PANK3: variants seen among roughly 807,000 people sequenced by gnomAD.
The protein encoded by PANK3 is pantothenate kinase 3.
PANK3 carries 20 observed loss-of-function variants against 39.4 expected under a neutral mutation model. The ratio of observed to expected loss-of-function variants is 0.51; its 90% CI spans 0.36 to 0.74. The LOEUF is 0.74. PANK3 is among the 30% of genes least tolerant of loss of function. The pLI, the probability that PANK3 is intolerant of heterozygous loss-of-function variation, is 0.00. For synonymous variants in PANK3, 140 were observed against 157.3 expected (o/e 0.89, Z 0.82); for missense variants, 265 against 437.0 (o/e 0.61, Z 3.51).
chr5:168,572,957 T>C (rs1008876607), intron 1 of PANK3, among the ~76,000 whole-genome samples: 2 of 152,058 alleles, frequency 1.3e-5, no homozygotes, highest in African/African-American at 2.4e-5. Context: ...GTGGGGTTGT[T>C]AGAAGGAGCA....
At chr5:168,569,496 A>C (rs1023223201) in intron 1 of PANK3, among the ~76,000 whole-genome samples, 1 of 151,874 alleles carries the variant, frequency 6.6e-6, no homozygotes, top group African/African-American at 2.4e-5. Flanking sequence ...TCGGCCCTTC[A>C]AAGTTTTATT....
Position 168,557,191 on chromosome 5 carries a change from C to T in PANK3, c.*380G>A, listed in dbSNP as rs1244161607. ...ATTTTCTGCTCACTAGTAATCAAAA[C>T]ACATAAAACAGACTTGTAACAAATA... On this transcript the variant is annotated 3_prime_UTR_variant, in exon 7 of 7. Transcript: ENST00000239231. The T allele has an allele frequency of 5.9e-6, 1 of 169,300 alleles. No homozygotes were observed. Among genetic ancestry groups the T allele is most frequent in the Non-Finnish European group, 1.3e-5 (1 of 78,938 alleles). The allele number at this position is 169,300 out of a possible 1,614,324, so 10.5% of individuals were successfully genotyped here. A position where few individuals can be genotyped will look rare whatever the true frequency, so the allele number is the denominator to read the frequency against.
At chr5:168,572,181 T>C (rs560027605) in intron 1 of PANK3, among the ~76,000 whole-genome samples, 1 of 147,226 alleles carries the variant, frequency 6.8e-6, no homozygotes, top group African/African-American at 2.5e-5. Flanking sequence ...TGGCATGATC[T>C]CTGCTAACTG....
chr5:168,570,596 G>C (rs1202662826), intron 1 of PANK3, among the ~76,000 whole-genome samples: 1 of 152,098 alleles, frequency 6.6e-6, no homozygotes, highest in Non-Finnish European at 1.5e-5. Context: ...CCCTATGCCT[G>C]TGTTTGACCG....
At chr5:168,562,467 G>A (rs945218717) in intron 4 of PANK3, among the ~76,000 whole-genome samples, 2 of 152,202 alleles carry the variant, frequency 1.3e-5, no homozygotes, top group African/African-American at 4.8e-5. Flanking sequence ...ATGCAAGGGA[G>A]AGGCAGGAGA....
Position 168,555,080 on chromosome 5 carries a change from A to G in PANK3, c.*2491T>C, listed in dbSNP as rs1405507305. ...CCAAAGATTATAATTTTTTATTAAG[A>G]TCTCGAGTAACTCCCTGTAAGCTCA... On this transcript the variant is annotated 3_prime_UTR_variant, in exon 7 of 7. Coordinates refer to ENST00000239231, the MANE Select transcript of PANK3 (RefSeq NM_024594.4). The G allele has an allele frequency of 6.6e-6, 1 of 152,200 alleles. No individual in the cohort carries two copies. The highest frequency in any genetic ancestry group is 1.5e-5 in the Non-Finnish European group (1 of 68,032). The allele number at this position is 152,200 out of a possible 1,614,324, so 9.4% of individuals were successfully genotyped here.
At chr5:168,564,372 G>T (rs1759493033) in intron 3 of PANK3, among the ~76,000 whole-genome samples, 1 of 152,102 alleles carries the variant, frequency 6.6e-6, no homozygotes, top group Admixed American at 6.6e-5. Context: ...ATAAATTGTT[G>T]TGTGTGCATT....
At chr5:168,579,095 G>A (rs1391699364) in intron 1 of PANK3, among the ~76,000 whole-genome samples, 161 bp downstream of exon 1, 5 of 152,310 alleles carry the variant, frequency 3.3e-5, no homozygotes, top group Admixed American at 2.6e-4. Flanking sequence ...TGGGGAGGAC[G>A]GAAGCCTCGA....
intron 1 of PANK3, among the ~76,000 whole-genome samples, chr5:168,576,266 TAAC>T (rs1759729418): frequency 6.6e-6 from 1 of 152,214 alleles, no homozygotes; most frequent in Non-Finnish European, 1.5e-5. Flanking sequence ...TCTCTGGTCT[TAAC>T]AAAAATTTCA....
At chr5:168,571,790 T>C (rs1759634736) in intron 1 of PANK3, among the ~76,000 whole-genome samples, 1 of 152,134 alleles carries the variant, frequency 6.6e-6, no homozygotes, top group Non-Finnish European at 1.5e-5. Flanking sequence ...GAGGAAGGAG[T>C]AATCCTCATT....
At position 168,552,378 on chromosome 5, in the gene PANK3, G is replaced by C. The variant is rs1013868740; in HGVS notation, c.*5193C>G. ...TCTCTCAAATGTGGTCTACTGGAAA[G>C]ATTCAGGTCCCCTAAGAGAACTTGG... On this transcript the variant is annotated 3_prime_UTR_variant, in exon 7 of 7. Coordinates refer to ENST00000239231, the MANE Select transcript of PANK3 (RefSeq NM_024594.4). 1.3e-5 allele frequency: 2 copies of C among 152,238 alleles called. No homozygotes were observed. Among genetic ancestry groups the C allele is most frequent in the African/African-American group, 2.4e-5 (1 of 41,436 alleles). 9.4% of individuals were successfully genotyped at this position (152,238 alleles called of 1,614,324 possible).
In PANK3 at chr5:168,559,164, G is replaced by GAAAAGAACAAAGAAAAAACTTGTA. The variant is rs781360139; in HGVS notation, c.937-31_937-8dup. The GAAAAGAACAAAGAAAAAACTTGTA allele has an allele frequency of 6.7e-7, 1 of 1,482,434 alleles. No individual in the cohort carries two copies. The highest frequency in any genetic ancestry group is 1.4e-5 in the African/African-American group (1 of 70,502). 91.8% of individuals were successfully genotyped at this position (1,482,434 alleles called of 1,614,324 possible). ...AGACAACTCTGTTTATTTTCTAAAA[G>GAAAAGAACAAAGAAAAAACTTGTA]AAAAGAACAAAGAAAAAACTTGTAA... On this transcript the variant is annotated splice_polypyrimidine_tract_variant and splice_region_variant and intron_variant, in intron 5 of 6. Coordinates refer to ENST00000239231, the MANE Select transcript of PANK3 (RefSeq NM_024594.4).
At chr5:168,575,150 T>A (rs958366515) in intron 1 of PANK3, among the ~76,000 whole-genome samples, 6 of 152,218 alleles carry the variant, frequency 3.9e-5, no homozygotes, top group African/African-American at 1.4e-4. Context: ...TGAGAATTAT[T>A]AGAATCTCTC....
chr5:168,570,142 G>C (rs1026351208), intron 1 of PANK3, among the ~76,000 whole-genome samples: 2 of 152,162 alleles, frequency 1.3e-5, no homozygotes, highest in Non-Finnish European at 2.9e-5. Context: ...CAGCACTTTG[G>C]GAGGCCGAGA....
At chr5:168,573,253 A>G (rs114701211) in intron 1 of PANK3, among the ~76,000 whole-genome samples, 2,443 of 151,982 alleles carry the variant, frequency 0.016, 65 homozygotes, top group African/African-American at 0.055. Context: ...AAGAGAACTC[A>G]GCCCTGCTAT....
chr5:168,550,930 G>A lies in PANK3; in HGVS notation c.*6641C>T, dbSNP rs1318404308. 6.6e-6 allele frequency: 1 copy of A among 152,122 alleles called. No individual in the cohort carries two copies. Among genetic ancestry groups the A allele is most frequent in the African/African-American group, 2.4e-5 (1 of 41,430 alleles). 9.4% of individuals were successfully genotyped at this position (152,122 alleles called of 1,614,324 possible). A position where few individuals can be genotyped will look rare whatever the true frequency, so the allele number is the denominator to read the frequency against. ...ATATGACCTCACATTCACTGAATAT[G>A]CAGGAATAATGCAAATAAGTAGTGA... On this transcript the variant is annotated 3_prime_UTR_variant, in exon 7 of 7. Transcript: ENST00000239231.
chr5:168,560,715 T>C (rs1759432805), intron 5 of PANK3, among the ~76,000 whole-genome samples: 1 of 152,294 alleles, frequency 6.6e-6, no homozygotes. Context: ...TTTAAAGTAT[T>C]TGATATTTAT....
At chr5:168,577,779 C>T (rs969400974) in intron 1 of PANK3, among the ~76,000 whole-genome samples, 1 of 152,120 alleles carries the variant, frequency 6.6e-6, no homozygotes, top group African/African-American at 2.4e-5. Context: ...TAATCACCAC[C>T]ACAAGAGTCA....
rs918226198 is a variant in PANK3, at chr5:168,553,682, C to T, written c.*3889G>A. Reference sequence around the variant, plus strand: ...GGTGGGGTGACCTGGGTCCCCATGGCCCTTATCTAATTCTTTTCAAATATT... The same window carrying T: ...GGTGGGGTGACCTGGGTCCCCATGGTCCTTATCTAATTCTTTTCAAATATT... On this transcript the variant is annotated 3_prime_UTR_variant, in exon 7 of 7. Transcript: ENST00000239231. 4.4e-5 allele frequency: 7 copies of T among 157,494 alleles called. No individual in the cohort carries two copies. Among genetic ancestry groups the T allele is most frequent in the Non-Finnish European group, 9.6e-5 (7 of 73,156 alleles). 9.8% of individuals were successfully genotyped at this position (157,494 alleles called of 1,614,324 possible).
Sources: gnomAD v4.1 joint callset for allele counts (sites outside exome capture counted in the v4.1 genomes callset) on GRCh38, gnomAD v4.1.1 for gene constraint, MANE v1.5 for transcripts, NCBI Gene and HGNC (gene_info 2026-07-23, HGNC 2026-07-21) for gene names.